The following PREX2 variants were observed in gnomAD, a reference collection of about 807,000 sequenced individuals.
PREX2 encodes the protein phosphatidylinositol-3,4,5-trisphosphate dependent Rac exchange factor 2.
A neutral mutation model predicts 203.2 loss-of-function variants in PREX2; 107 were observed. That is an observed-to-expected ratio of 0.53 (90% CI 0.45 to 0.62). PREX2 has a LOEUF of 0.62. Ranked by LOEUF, PREX2 falls within the 20% of genes least tolerant of loss-of-function variation. The pLI is 0.00. For missense variants in PREX2, 1,777 were observed against 1,955.9 expected, an observed-to-expected ratio of 0.91 and a Z score of 1.72; for synonymous variants, 672 against 663.6, an observed-to-expected ratio of 1.01 and a Z score of -0.19.
At chr8:67,998,381 G>A (rs539200116) in intron 1 of PREX2, among the ~76,000 whole-genome samples, 23 of 152,314 alleles carry the variant, frequency 1.5e-4, no homozygotes, top group Admixed American at 1.0e-3. Flanking sequence ...AACCTTCAGC[G>A]TGCTTTAGCA....
chr8:68,018,506 A>G (rs764651420), intron 2 of PREX2, among the ~76,000 whole-genome samples: 6 of 152,078 alleles, frequency 3.9e-5, no homozygotes, highest in Non-Finnish European at 5.9e-5. Context: ...ATTGGAGGCT[A>G]AGAACCTCAA....
chr8:68,141,135 A>G (rs1811221754), intron 33 of PREX2, among the ~76,000 whole-genome samples: 1 of 152,198 alleles, frequency 6.6e-6, no homozygotes, highest in Admixed American at 6.5e-5. Context: ...AATAAGGGAA[A>G]TACGAGGTGC....
At chr8:68,162,589 G>T (rs1393417948) in intron 35 of PREX2, among the ~76,000 whole-genome samples, 1 of 152,114 alleles carries the variant, frequency 6.6e-6, no homozygotes, top group Non-Finnish European at 1.5e-5. Context: ...GGCATCCAAA[G>T]ATGGCAATGA....
Position 68,068,799 on chromosome 8 carries a change from C to T in PREX2, c.1340-234C>T, listed in dbSNP as rs550264325. Among the ~76,000 whole-genome samples, 8 of 151,542 alleles carry T rather than the reference C, an allele frequency of 5.3e-5. No homozygotes were observed. The South Asian group carries it at 6.3e-4, about 12-fold the overall frequency. Reference sequence around the variant, plus strand: ...TATTATGCTAGCTGAATGTTGCAAACGTCAGTTTATTTCTCAAATCGTTAT... The same window carrying T: ...TATTATGCTAGCTGAATGTTGCAAATGTCAGTTTATTTCTCAAATCGTTAT... On this transcript the variant is annotated intron_variant, in intron 11 of 39. Coordinates refer to ENST00000288368, the MANE Select transcript of PREX2 (RefSeq NM_024870.4).
At chr8:68,082,608 T>G (rs1171646795) in intron 17 of PREX2, 1 of 152,244 alleles carries the variant, frequency 6.6e-6, no homozygotes, top group Non-Finnish European at 1.5e-5. Flanking sequence ...CTCTCAGGCT[T>G]TCATCATTTA....
At chr8:68,080,662 G>A (rs558304386) in intron 16 of PREX2, 77 bp downstream of exon 16, 5 of 1,439,138 alleles carry the variant, frequency 3.5e-6, no homozygotes, top group Admixed American at 4.0e-5. Context: ...CATGTTTGAC[G>A]GTGATGCACA....
chr8:68,213,788 T>G (rs1283983868), intron 37 of PREX2, among the ~76,000 whole-genome samples: 2 of 152,246 alleles, frequency 1.3e-5, no homozygotes, highest in East Asian at 1.9e-4. Context: ...CAAGTGTGCT[T>G]CCTCACATGT....
chr8:67,962,539 G>A (rs1161609027), intron 1 of PREX2, among the ~76,000 whole-genome samples: 2 of 151,184 alleles, frequency 1.3e-5, no homozygotes, highest in Admixed American at 6.6e-5. Context: ...TTTCTATACT[G>A]TATAACTATG....
At chr8:68,133,741 G>A (rs996899743) in intron 31 of PREX2, among the ~76,000 whole-genome samples, 47 of 152,212 alleles carry the variant, frequency 3.1e-4, no homozygotes, top group African/African-American at 1.0e-3. Context: ...GTCCCATCAG[G>A]TATAGAAAAT....
At chr8:68,085,948 C>T (rs146507286) in intron 18 of PREX2, among the ~76,000 whole-genome samples, 151 of 152,232 alleles carry the variant, frequency 9.9e-4, no homozygotes, top group African/African-American at 3.3e-3. Context: ...AACTCTCATT[C>T]GTAATATATA....
chr8:68,024,147 C>G (rs935664904), intron 4 of PREX2, among the ~76,000 whole-genome samples: 1 of 151,804 alleles, frequency 6.6e-6, no homozygotes, highest in African/African-American at 2.4e-5. Context: ...TATTATATTT[C>G]TAGTTCATAT....
chr8:68,211,362 T>C lies in PREX2; in HGVS notation c.4605-6254T>C, dbSNP rs181528588. On this transcript the variant is annotated intron_variant, in intron 37 of 39. Transcript: ENST00000288368. ...AGGTTTACTTTAATGAACATCTCTT[T>C]AGAATAAAAAGGACTATAAAAGTAT... Among the ~76,000 whole-genome samples, 801 of 152,320 alleles carry C rather than the reference T, an allele frequency of 5.3e-3. 8 individuals are homozygous for C. The highest frequency in any genetic ancestry group is 8.1e-3 in the Non-Finnish European group (548 of 68,016).
At chr8:68,231,259 G>A in intron 39 of PREX2, 74 bp from the exon 40 acceptor site, 3 of 1,052,838 alleles carry the variant, frequency 2.8e-6, no homozygotes, top group Non-Finnish European at 4.0e-6. Flanking sequence ...CAATGTATTT[G>A]TTCTACCAAT....
chr8:68,165,947 A>G (rs1811752626), intron 35 of PREX2, among the ~76,000 whole-genome samples: 1 of 152,202 alleles, frequency 6.6e-6, no homozygotes, highest in Non-Finnish European at 1.5e-5. Context: ...AAAATAGGAA[A>G]GTATCTGCAA....
intron 1 of PREX2, among the ~76,000 whole-genome samples, chr8:67,953,312 T>A (rs1805409384): frequency 6.6e-6 from 1 of 151,820 alleles, no homozygotes; most frequent in Non-Finnish European, 1.5e-5. Flanking sequence ...CGTTTCTGCT[T>A]GACTCACTGC....
At chr8:68,021,993 A>G in intron 3 of PREX2, 43 bp from the exon 4 acceptor site, 1 of 940,730 alleles carries the variant, frequency 1.1e-6, no homozygotes, top group Non-Finnish European at 1.8e-6. Context: ...AAATTGCAGA[A>G]TGGTGAATAA....
chr8:68,157,462 A>G (rs1382288747), intron 35 of PREX2, 26 bp downstream of exon 35: 1 of 1,211,894 alleles, frequency 8.3e-7, no homozygotes, highest in African/African-American at 1.5e-5. Context: ...ACTGAAAAAT[A>G]ATGAGTGTCT....
chr8:68,038,736 T>G (rs75825069), intron 7 of PREX2, among the ~76,000 whole-genome samples: 2,579 of 152,262 alleles, frequency 0.017, 53 homozygotes, highest in African/African-American at 0.055. Flanking sequence ...ATAGAACACG[T>G]AATATCTCAC....
chr8:68,166,161 A>G (rs1008006159), intron 35 of PREX2, among the ~76,000 whole-genome samples: 1 of 152,184 alleles, frequency 6.6e-6, no homozygotes, highest in Non-Finnish European at 1.5e-5. Context: ...TCGTAAAGGA[A>G]AGAGAGAGGG....
Sources: allele counts gnomAD v4.1 joint callset (sites outside exome capture counted in the v4.1 genomes callset), GRCh38; gene constraint gnomAD v4.1.1; transcripts MANE v1.5; gene names NCBI Gene and HGNC (gene_info 2026-07-23, HGNC 2026-07-21).